The following CAMK4 variants were observed in gnomAD, a reference collection of about 807,000 sequenced individuals.
The protein encoded by CAMK4 is calcium/calmodulin dependent protein kinase IV, also known as calcium/calmodulin-dependent protein kinase type IV.
Under a neutral mutation model 44.9 loss-of-function variants are expected in CAMK4, and 22 were observed. That is an observed-to-expected ratio of 0.49 (90% CI 0.35 to 0.70). The LOEUF (loss-of-function observed/expected upper bound fraction) is 0.70. Ranked by LOEUF, CAMK4 falls within the 30% of genes least tolerant of loss-of-function variation. The pLI is 0.01. For synonymous variants in CAMK4, 218 were observed against 215.4 expected (o/e 1.01, Z -0.11); for missense variants, 498 against 586.8 (o/e 0.85, Z 1.56).
At chr5:111,343,927 T>A in intron 1 of CAMK4, 97 bp from the exon 2 acceptor site, 1 of 694,468 alleles carries the variant, frequency 1.4e-6, no homozygotes, top group South Asian at 1.8e-5. Context: ...CACTTGTCAG[T>A]TATGTGGGTT....
At chr5:111,314,356 C>T (rs1344891939) in intron 1 of CAMK4, among the ~76,000 whole-genome samples, 1 of 152,036 alleles carries the variant, frequency 6.6e-6, no homozygotes, top group African/African-American at 2.4e-5. Context: ...ACAGTTCCAA[C>T]ATTTTTGCAA....
intron 1 of CAMK4, among the ~76,000 whole-genome samples, chr5:111,295,533 G>C (rs1667758585): frequency 6.6e-6 from 1 of 152,188 alleles, no homozygotes; most frequent in South Asian, 2.1e-4. Flanking sequence ...TAGTGAGCAA[G>C]ATGAGCTCAA....
At chr5:111,238,909 A>T (rs897500035) in intron 1 of CAMK4, among the ~76,000 whole-genome samples, 1 of 136,002 alleles carries the variant, frequency 7.4e-6, no homozygotes, top group African/African-American at 2.8e-5. Flanking sequence ...CTGTGGCTAC[A>T]TCCCCACTTC....
intron 1 of CAMK4, among the ~76,000 whole-genome samples, chr5:111,279,072 G>T (rs1414976344): frequency 6.6e-6 from 1 of 152,154 alleles, no homozygotes; most frequent in Non-Finnish European, 1.5e-5. Flanking sequence ...TTGGAATTTT[G>T]CAACACAGGG....
At chr5:111,310,156 C>T (rs958818219) in intron 1 of CAMK4, among the ~76,000 whole-genome samples, 1 of 152,076 alleles carries the variant, frequency 6.6e-6, no homozygotes, top group Non-Finnish European at 1.5e-5. Flanking sequence ...TGTGCTCCTC[C>T]GTCATGGCCA....
intron 1 of CAMK4, among the ~76,000 whole-genome samples, chr5:111,274,139 C>G (rs1750659957): frequency 6.6e-6 from 1 of 152,040 alleles, no homozygotes; most frequent in Non-Finnish European, 1.5e-5. Flanking sequence ...CTGAGAAGCT[C>G]CAGTCCTCAA....
intron 1 of CAMK4, among the ~76,000 whole-genome samples, chr5:111,255,005 C>A (rs1749678674): frequency 6.6e-6 from 1 of 151,900 alleles, no homozygotes; most frequent in African/African-American, 2.4e-5. Context: ...AAAAAAGAAC[C>A]CAACAAAATC....
chr5:111,344,025 G>T lies in CAMK4; in HGVS notation c.163G>T (p.Gly55Cys), dbSNP rs1462285868. 2.5e-6 allele frequency: 4 copies of T among 1,583,778 alleles called. No homozygotes were observed. The highest frequency in any genetic ancestry group is 2.6e-6 in the Non-Finnish European group (3 of 1,156,726). Residue 55 changes from glycine (G) to cysteine (C), a missense_variant and splice_region_variant, in exon 2 of 11, where the codon GGT becomes TGT. Around this residue, in one of 3 missense-constraint regions of CAMK4, gnomAD observed 152 missense variants for 143.7 expected, o/e 1.06. Coordinates refer to ENST00000282356, the MANE Select transcript of CAMK4 (RefSeq NM_001744.6). ...FFEVESELGR[G>C]ATSIVYRCKQ... ...CTTTTTGTCTTTTTCCCCCTCAAGGGGTGCTACATCCATTGTGTACAGATG... is the reference window on the plus strand; with the variant it reads ...CTTTTTGTCTTTTTCCCCCTCAAGGTGTGCTACATCCATTGTGTACAGATG...
intron 2 of CAMK4, among the ~76,000 whole-genome samples, chr5:111,362,381 T>G (rs1384516843): frequency 6.6e-6 from 1 of 152,064 alleles, no homozygotes; most frequent in Non-Finnish European, 1.5e-5. Flanking sequence ...CTTAGGAAGG[T>G]GTTTTACATT....
chr5:111,250,541 A>G (rs1403751178), intron 1 of CAMK4, among the ~76,000 whole-genome samples: 1 of 152,198 alleles, frequency 6.6e-6, no homozygotes, highest in African/African-American at 2.4e-5. Flanking sequence ...GAATGCTGAC[A>G]TACTAAAGGT....
At chr5:111,398,486 C>G (rs1752102343) in intron 5 of CAMK4, among the ~76,000 whole-genome samples, 1 of 152,184 alleles carries the variant, frequency 6.6e-6, no homozygotes, top group African/African-American at 2.4e-5. Context: ...ACTGTTTCTT[C>G]ATGTTTCTCT....
chr5:111,398,724 C>T (rs1327735497), intron 5 of CAMK4, among the ~76,000 whole-genome samples: 1 of 152,174 alleles, frequency 6.6e-6, no homozygotes, highest in Non-Finnish European at 1.5e-5. Flanking sequence ...TCCTGATTCT[C>T]TCATTCACTG....
chr5:111,467,161 T>C (rs536537582), intron 7 of CAMK4, among the ~76,000 whole-genome samples: 1 of 152,026 alleles, frequency 6.6e-6, no homozygotes, highest in Admixed American at 6.5e-5. Context: ...TGGATCCTCA[T>C]CCCTCACCTT....
At chr5:111,462,750 TC>T (rs1243672516) in intron 7 of CAMK4, among the ~76,000 whole-genome samples, 1 of 152,214 alleles carries the variant, frequency 6.6e-6, no homozygotes, top group African/African-American at 2.4e-5. Context: ...GCACCAGTGG[TC>T]CCTGTAAGTG....
In CAMK4 at chr5:111,224,546, G is replaced by T; in HGVS notation, c.63G>T (p.Ala21=). ...CCTGCTCTTCGGTCACCGCCAGTGCGGCCCCGGGGACCGCGAGCCTCGTCC... is the reference window on the plus strand; with the variant it reads ...CCTGCTCTTCGGTCACCGCCAGTGCTGCCCCGGGGACCGCGAGCCTCGTCC... ...ASSCSSVTAS[A]APGTASLVPD... The change falls in exon 1 of 11, where the codon GCG becomes GCT. Residue 21 remains alanine, a synonymous_variant. Coordinates refer to ENST00000282356, the MANE Select transcript of CAMK4 (RefSeq NM_001744.6). This position sits in a 1 kb window ranked among gnomAD's most constrained non-coding sequence, Gnocchi z 5.7. 2 of 1,611,496 alleles carry T rather than the reference G, an allele frequency of 1.2e-6. No individual in the cohort carries two copies. The highest frequency in any genetic ancestry group is 1.7e-6 in the Non-Finnish European group (2 of 1,179,328).
At chr5:111,465,486 G>T (rs1754794115) in intron 7 of CAMK4, among the ~76,000 whole-genome samples, 2 of 151,866 alleles carry the variant, frequency 1.3e-5, no homozygotes, top group African/African-American at 4.8e-5. Context: ...GAAGAGAGAA[G>T]ATCCAAATAA....
rs1580741551 is a variant in CAMK4 at position 111,429,746 on chromosome 5, C to G, written c.460-16940C>G. Reference sequence around the variant, plus strand: ...CTAGATCACACCACTGCACTGCACTCCAGGCTGGGTGACAGAGTGAGACCT... The same window carrying G: ...CTAGATCACACCACTGCACTGCACTGCAGGCTGGGTGACAGAGTGAGACCT... On this transcript the variant is annotated intron_variant, in intron 5 of 10. Coordinates refer to ENST00000282356, the MANE Select transcript of CAMK4 (RefSeq NM_001744.6). 2.4e-5 allele frequency among the ~76,000 whole-genome samples: 3 copies of G among 123,008 alleles called. No individual in the cohort carries two copies. In the South Asian group the frequency reaches 8.1e-4, roughly 33 times the overall value. 80.7% of individuals were successfully genotyped at this position (123,008 alleles called of 152,430 possible).
chr5:111,283,159 G>C (rs1751091887), intron 1 of CAMK4: 1 of 152,170 alleles, frequency 6.6e-6, no homozygotes, highest in Non-Finnish European at 1.5e-5. Context: ...GGACTGTCTA[G>C]ATTTGCATAA....
intron 1 of CAMK4, among the ~76,000 whole-genome samples, chr5:111,269,231 G>T (rs1750396192): frequency 6.6e-6 from 1 of 152,218 alleles, no homozygotes; most frequent in South Asian, 2.1e-4. Context: ...GGGGGTTTGT[G>T]AAGGGTCTGA....
Sources: allele counts gnomAD v4.1 joint callset (sites outside exome capture counted in the v4.1 genomes callset), GRCh38; gene constraint gnomAD v4.1.1; regional missense constraint gnomAD v4.1.1; non-coding constraint Gnocchi (gnomAD v3.1); transcripts MANE v1.5; gene names NCBI Gene and HGNC (gene_info 2026-07-23, HGNC 2026-07-21).